The following TBCK variants were observed in gnomAD, a reference collection of about 807,000 sequenced individuals.
The protein encoded by TBCK is TBC domain-containing protein kinase-like protein.
In TBCK, 99 loss-of-function variants were observed where a neutral mutation model predicts 113.4. That is an observed-to-expected ratio of 0.87 (90% confidence interval 0.74 to 1.03). TBCK has a LOEUF of 1.03. Ranked by LOEUF, TBCK falls within the 50% of genes least tolerant of loss-of-function variation. TBCK has a pLI of 0.00. For missense variants in TBCK, 1,045 were observed against 1,061.3 expected (o/e 0.98, Z 0.21); for synonymous variants, 369 against 370.8 (o/e 1.00, Z 0.05).
chr4:106,184,304 C>T (rs1752758764), intron 22 of TBCK, among the ~76,000 whole-genome samples: 1 of 152,022 alleles, frequency 6.6e-6, no homozygotes, highest in Admixed American at 6.6e-5. Context: ...TACTTCCATA[C>T]ACTAAACATT....
chr4:106,181,924 T>C (rs1226482289), intron 22 of TBCK, among the ~76,000 whole-genome samples: 1 of 152,182 alleles, frequency 6.6e-6, no homozygotes, highest in Non-Finnish European at 1.5e-5. Flanking sequence ...GGTAGCTTGA[T>C]GGGGATAGCA....
At chr4:106,290,006 G>A (rs1293595463) in intron 3 of TBCK, among the ~76,000 whole-genome samples, 5 of 151,948 alleles carry the variant, frequency 3.3e-5, no homozygotes, top group African/African-American at 1.2e-4. Flanking sequence ...ATATTGCATT[G>A]TAAATCTTTA....
chr4:106,204,159 T>C (rs1263711581), intron 20 of TBCK, among the ~76,000 whole-genome samples: 12 of 152,238 alleles, frequency 7.9e-5, no homozygotes, highest in African/African-American at 2.9e-4. Context: ...GAACAGTTTA[T>C]ATGCATTCTC....
At chr4:106,091,629 C>G (rs1260417205) in intron 25 of TBCK, among the ~76,000 whole-genome samples, 1 of 152,090 alleles carries the variant, frequency 6.6e-6, no homozygotes, top group Non-Finnish European at 1.5e-5. Context: ...GTTGTTCGTT[C>G]CTCCCGGTGG....
chr4:106,291,983 G>A (rs1487937866), intron 3 of TBCK, among the ~76,000 whole-genome samples: 1 of 152,182 alleles, frequency 6.6e-6, no homozygotes, highest in Non-Finnish European at 1.5e-5. Flanking sequence ...ATATGCATGA[G>A]GATATTTATG....
At chr4:106,152,111 G>A (rs1174287157) in intron 23 of TBCK, among the ~76,000 whole-genome samples, 2 of 151,780 alleles carry the variant, frequency 1.3e-5, no homozygotes, top group Non-Finnish European at 2.9e-5. Flanking sequence ...AGTACTTCCA[G>A]TAGTGTGATG....
At chr4:106,247,347 T>C in intron 9 of TBCK, 60 bp from the exon 10 acceptor site, 2 of 1,505,252 alleles carry the variant, frequency 1.3e-6, no homozygotes, top group Non-Finnish European at 1.8e-6. Context: ...CCTAGAATAA[T>C]GGCATACATT....
intron 3 of TBCK, among the ~76,000 whole-genome samples, chr4:106,293,862 T>A (rs1765982373): frequency 6.6e-6 from 1 of 152,214 alleles, no homozygotes; most frequent in Admixed American, 6.5e-5. Context: ...TAAACACTCG[T>A]GGCAAGATGT....
chr4:106,216,286 C>T (rs1379555054), intron 19 of TBCK, among the ~76,000 whole-genome samples: 3 of 150,984 alleles, frequency 2.0e-5, no homozygotes, highest in Non-Finnish European at 4.4e-5. Context: ...AATTGACACC[C>T]TAACATCACA....
intron 3 of TBCK, among the ~76,000 whole-genome samples, chr4:106,287,091 G>A (rs1016891930): frequency 6.6e-6 from 1 of 152,028 alleles, no homozygotes; most frequent in African/African-American, 2.4e-5. Flanking sequence ...TGGCTTATGG[G>A]GTCCTCTGGA....
At chr4:106,160,495 G>A (rs1042109073) in intron 23 of TBCK, among the ~76,000 whole-genome samples, 2 of 151,482 alleles carry the variant, frequency 1.3e-5, no homozygotes, top group Non-Finnish European at 2.9e-5. Flanking sequence ...AGAAGTACAT[G>A]AAAAGATGCT....
At chr4:106,048,191 T>G (rs773649106) in intron 25 of TBCK, among the ~76,000 whole-genome samples, 3 of 152,140 alleles carry the variant, frequency 2.0e-5, no homozygotes, top group African/African-American at 4.8e-5. Context: ...TGAATAATAC[T>G]GTCTTAAGTC....
chr4:106,200,739 T>C (rs1754787686), intron 20 of TBCK, among the ~76,000 whole-genome samples: 1 of 152,136 alleles, frequency 6.6e-6, no homozygotes. Context: ...ATATTATCCA[T>C]GGCATAGAAA....
At chr4:106,143,020 G>A (rs1377934874) in intron 23 of TBCK, among the ~76,000 whole-genome samples, 2 of 152,160 alleles carry the variant, frequency 1.3e-5, no homozygotes, top group African/African-American at 4.8e-5. Context: ...AATCCTAAGT[G>A]AAATACTATA....
intron 25 of TBCK, among the ~76,000 whole-genome samples, chr4:106,091,962 T>A (rs1740303872): frequency 6.6e-6 from 1 of 152,202 alleles, no homozygotes; most frequent in Non-Finnish European, 1.5e-5. Context: ...ATCCCTGAGC[T>A]AGACACAAAA....
Position 106,123,874 on chromosome 4 carries a change from G to A in TBCK, c.2236-7496C>T, listed in dbSNP as rs1251846962. 4.0e-5 allele frequency among the ~76,000 whole-genome samples: 6 copies of A among 149,130 alleles called. No homozygotes were observed. In the East Asian group the frequency reaches 5.9e-4, roughly 15 times the overall value. On this transcript the variant is annotated intron_variant, in intron 23 of 25. Coordinates refer to ENST00000394708, the MANE Select transcript of TBCK (RefSeq NM_001163435.3). ...TTCAAGATGGATTAAAGACTTAAAC[G>A]TTAGACCTAAAACCATAAAAACCCT...
chr4:106,156,246 A>T (rs1749108081), intron 23 of TBCK, among the ~76,000 whole-genome samples: 1 of 152,128 alleles, frequency 6.6e-6, no homozygotes, highest in Admixed American at 6.5e-5. Flanking sequence ...CTCTATTCTG[A>T]GCCACCTAGA....
intron 25 of TBCK, among the ~76,000 whole-genome samples, chr4:106,077,940 C>G (rs1183238712): frequency 6.6e-6 from 1 of 152,154 alleles, no homozygotes; most frequent in Non-Finnish European, 1.5e-5. Context: ...AAATTGAAAT[C>G]ATACCAAACA....
intron 25 of TBCK, among the ~76,000 whole-genome samples, chr4:106,085,164 G>C (rs1040210006): frequency 1.3e-5 from 2 of 152,086 alleles, no homozygotes; most frequent in Non-Finnish European, 2.9e-5. Context: ...ATTGGATAAG[G>C]AGTCAAGACC....
Sources: allele counts gnomAD v4.1 joint callset (sites outside exome capture counted in the v4.1 genomes callset), GRCh38; gene constraint gnomAD v4.1.1; transcripts MANE v1.5; gene names NCBI Gene and HGNC (gene_info 2026-07-23, HGNC 2026-07-21).